FLT1: variants seen among roughly 807,000 people sequenced by gnomAD.
FLT1 encodes the protein fms related receptor tyrosine kinase 1.
FLT1 carries 49 observed loss-of-function variants against 156.3 expected under a neutral mutation model. The observed-to-expected ratio is 0.31, with a 90% CI of 0.25 to 0.40. The LOEUF (loss-of-function observed/expected upper bound fraction) is 0.40, where lower values mean the gene tolerates loss of function less well. FLT1 is among the 10% of genes least tolerant of loss of function. The pLI is 1.00. For synonymous variants in FLT1, 594 were observed against 583.8 expected (o/e 1.02, Z -0.25); for missense variants, 1,322 against 1,637.2 (o/e 0.81, Z 3.32).
intron 14 of FLT1, among the ~76,000 whole-genome samples, chr13:28,370,607 T>G (rs1166666188): frequency 3.9e-5 from 6 of 152,260 alleles, no homozygotes; most frequent in Admixed American, 3.3e-4. Flanking sequence ...GCTTTCACTG[T>G]GAACTTTGCT....
intron 13 of FLT1, 37 bp from the exon 14 acceptor site, chr13:28,385,068 A>C: frequency 6.2e-7 from 1 of 1,610,684 alleles, no homozygotes; most frequent in Non-Finnish European, 8.5e-7. Context: ...ATTACTCGTC[A>C]ACTTTATTCT....
chr13:28,325,476 C>T (rs960420894), intron 20 of FLT1, among the ~76,000 whole-genome samples: 4 of 152,078 alleles, frequency 2.6e-5, no homozygotes, highest in African/African-American at 9.7e-5. Flanking sequence ...CTGCAGCCTG[C>T]GAGTGTGAAC....
Position 28,302,867 on chromosome 13 carries a change from C to A in FLT1, c.*300G>T. 2.2e-6 allele frequency: 1 copy of A among 453,126 alleles called. No homozygotes were observed. Among genetic ancestry groups the A allele is most frequent in the Non-Finnish European group, 4.1e-6 (1 of 246,368 alleles). The allele number at this position is 453,126 out of a possible 1,614,324, so 28.1% of individuals were successfully genotyped here. ...CAGCTCCTCAATCAAACTGGTCCTG[C>A]GTGCCCTGAGGTGGCGGGGGTTGGA... On this transcript the variant is annotated 3_prime_UTR_variant, in exon 30 of 30. Coordinates refer to ENST00000282397, the MANE Select transcript of FLT1 (RefSeq NM_002019.4).
chr13:28,339,785 A>G (rs139747582), intron 16 of FLT1, among the ~76,000 whole-genome samples: 3 of 152,216 alleles, frequency 2.0e-5, no homozygotes, highest in Non-Finnish European at 4.4e-5. Context: ...TAAACCCAGG[A>G]TCCCTGGGGC....
At chr13:28,336,544 T>C (rs1462610187) in intron 17 of FLT1, among the ~76,000 whole-genome samples, 1 of 152,180 alleles carries the variant, frequency 6.6e-6, no homozygotes, top group African/African-American at 2.4e-5. Context: ...CCAGGGGCCC[T>C]GGACACGCTG....
intron 10 of FLT1, among the ~76,000 whole-genome samples, chr13:28,419,856 G>A (rs1011301149): frequency 6.6e-6 from 1 of 152,242 alleles, no homozygotes; most frequent in African/African-American, 2.4e-5. Flanking sequence ...TCCAGCTTGG[G>A]CGACAGAGCA....
chr13:28,312,757 A>C (rs1350445875), intron 25 of FLT1, among the ~76,000 whole-genome samples: 1 of 152,034 alleles, frequency 6.6e-6, no homozygotes, highest in Admixed American at 6.6e-5. Context: ...GGCTGTGAGC[A>C]AGGTTCCTGT....
chr13:28,401,451 T>C (rs1365488403), intron 11 of FLT1, among the ~76,000 whole-genome samples: 3 of 152,198 alleles, frequency 2.0e-5, no homozygotes, highest in African/African-American at 7.2e-5. Flanking sequence ...CCTTCCTTCC[T>C]TCCCCTTCAC....
intron 14 of FLT1, among the ~76,000 whole-genome samples, chr13:28,363,029 A>T (rs766036600): frequency 8.5e-5 from 13 of 152,290 alleles, no homozygotes; most frequent in Non-Finnish European, 1.5e-4. Flanking sequence ...TACGAAAATA[A>T]GCATGTTATT....
chr13:28,364,355 G>A (rs531485181), intron 14 of FLT1, among the ~76,000 whole-genome samples: 4 of 152,302 alleles, frequency 2.6e-5, no homozygotes, highest in East Asian at 3.9e-4. Flanking sequence ...TGGGATTATA[G>A]GCGTAAGCCA....
intron 15 of FLT1, among the ~76,000 whole-genome samples, chr13:28,347,797 C>T (rs954182640): frequency 2.0e-4 from 31 of 152,204 alleles, no homozygotes; most frequent in African/African-American, 7.0e-4. Context: ...CAAAGACTCA[C>T]AAAAATACTA....
chr13:28,348,307 A>T (rs1178351719), intron 15 of FLT1, among the ~76,000 whole-genome samples: 1 of 152,212 alleles, frequency 6.6e-6, no homozygotes, highest in East Asian at 1.9e-4. Context: ...AAATTCCGTC[A>T]TCTGTTCCCT....
intron 16 of FLT1, among the ~76,000 whole-genome samples, chr13:28,340,251 A>C (rs758515292): frequency 6.6e-6 from 1 of 151,628 alleles, no homozygotes; most frequent in African/African-American, 2.4e-5. Context: ...AAGGCCAAGG[A>C]GTAAATATGG....
Position 28,432,236 on chromosome 13 carries a change from AT to A in FLT1, c.814-927del, listed in dbSNP as rs1215380392. Among the ~76,000 whole-genome samples the A allele has an allele frequency of 3.4e-5, 5 of 148,146 alleles. No individual in the cohort carries two copies. The East Asian group carries it at 1.0e-3, about 30-fold the overall frequency. On this transcript the variant is annotated intron_variant, in intron 6 of 29. Coordinates refer to ENST00000282397, the MANE Select transcript of FLT1 (RefSeq NM_002019.4). Reference sequence around the variant, plus strand: ...TGTCTTTGGGAGCTGTCCAGAACTGATTTTTGGATCTTGAGCTTAGTTCTCC... The same window carrying A: ...TGTCTTTGGGAGCTGTCCAGAACTGATTTTGGATCTTGAGCTTAGTTCTCC...
chr13:28,466,867 C>G (rs760434189), intron 3 of FLT1, 36 bp downstream of exon 3: 11 of 1,465,770 alleles, frequency 7.5e-6, no homozygotes, highest in Non-Finnish European at 9.6e-6. Context: ...ATTTGCAAAG[C>G]AAAAGCAAAC....
intron 3 of FLT1, among the ~76,000 whole-genome samples, chr13:28,454,731 G>C (rs564887822): frequency 8.5e-5 from 13 of 152,228 alleles, no homozygotes; most frequent in African/African-American, 3.1e-4. Context: ...CAGATGATGT[G>C]ATCATCTGTA....
intron 10 of FLT1, among the ~76,000 whole-genome samples, chr13:28,417,846 AT>A (rs1441025113): frequency 1.3e-5 from 2 of 151,720 alleles, no homozygotes; most frequent in African/African-American, 4.9e-5. Flanking sequence ...CGAGGCTGAA[AT>A]TAGCAGCCTC....
At chr13:28,494,680 C>G (rs1881659490) in intron 1 of FLT1, 100 bp downstream of exon 1, 1 of 909,314 alleles carries the variant, frequency 1.1e-6, no homozygotes, top group South Asian at 1.5e-5. Flanking sequence ...GGGCTACAGC[C>G]TCGTCTCCCC....
chr13:28,434,989 C>T (rs1357110059), intron 4 of FLT1, among the ~76,000 whole-genome samples: 2 of 152,166 alleles, frequency 1.3e-5, no homozygotes, highest in Admixed American at 6.5e-5. Flanking sequence ...AGTTTTTCCT[C>T]CCATTTTGCA....
Sources: gnomAD v4.1 joint callset for allele counts (sites outside exome capture counted in the v4.1 genomes callset) on GRCh38, gnomAD v4.1.1 for gene constraint, MANE v1.5 for transcripts, NCBI Gene and HGNC (gene_info 2026-07-23, HGNC 2026-07-21) for gene names.